The following MRE11 variants were observed in gnomAD, a reference collection of about 807,000 sequenced individuals.
MRE11 encodes double-strand break repair protein MRE11.
A neutral mutation model predicts 91.7 loss-of-function variants in MRE11; 62 were observed. The observed-to-expected ratio is 0.68, with a 90% CI of 0.55 to 0.84. The LOEUF is 0.84. MRE11 is among the 40% of genes least tolerant of loss of function. The probability of loss-of-function intolerance (pLI) is 0.00; values close to 1 mark genes in which losing one functional copy is unlikely to be tolerated. For synonymous variants in MRE11, 273 were observed against 271.4 expected (o/e 1.01, Z -0.06); for missense variants, 796 against 852.9 (o/e 0.93, Z 0.83).
chr11:94,492,908 T>TA lies in MRE11; in HGVS notation c.-105-3dup. On this transcript the variant is annotated splice_polypyrimidine_tract_variant and splice_region_variant and intron_variant, in intron 1 of 19. Transcript: ENST00000323929. Reference sequence around the variant, plus strand: ...ACTCGATTCCAAATTCTAGAAATTCTAAAAACAAAATTACATCATAAAACA... The same window carrying TA: ...ACTCGATTCCAAATTCTAGAAATTCTAAAAAACAAAATTACATCATAAAACA... The TA allele has an allele frequency of 9.4e-7, 1 of 1,058,614 alleles. No homozygotes were observed. The highest frequency in any genetic ancestry group is 1.3e-5 in the South Asian group (1 of 74,834). 65.6% of individuals were successfully genotyped at this position (1,058,614 alleles called of 1,614,324 possible). A position where few individuals can be genotyped will look rare whatever the true frequency, so the allele number is the denominator to read the frequency against.
intron 13 of MRE11, among the ~76,000 whole-genome samples, chr11:94,456,883 G>A (rs13447681): frequency 6.6e-6 from 1 of 152,076 alleles, no homozygotes; most frequent in Non-Finnish European, 1.5e-5. Context: ...TGCTCACAAG[G>A]CTCTTATTAT....
Position 94,470,502 on chromosome 11 carries a change from G to C in MRE11, c.986C>G (p.Thr329Ser), listed in dbSNP as rs370645480. 1.2e-5 allele frequency: 19 copies of C among 1,613,030 alleles called. No homozygotes were observed. The highest frequency in any genetic ancestry group is 1.7e-4 in the Middle Eastern group (1 of 6,046). Reference protein sequence around the residue: ...DIFNPDNPKVTQAIQSFCLEK... With the variant: ...DIFNPDNPKVSQAIQSFCLEK... Reference sequence around the variant, plus strand: ...CAAACAGAAGCTTTGTATGGCTTGGGTTACTTTAGGATTATCTGGGTTAAA... The same window carrying C: ...CAAACAGAAGCTTTGTATGGCTTGGCTTACTTTAGGATTATCTGGGTTAAA... Residue 329 changes from threonine to serine, a missense_variant, in exon 9 of 20, where the codon ACC (threonine) becomes AGC (serine). Physicochemically the swap from Thr to Ser is moderately conservative, Grantham distance 58 (BLOSUM62 1). Transcript: ENST00000323929.
intron 16 of MRE11, among the ~76,000 whole-genome samples, chr11:94,438,783 G>A (rs1259331608): frequency 6.6e-6 from 1 of 152,148 alleles, no homozygotes; most frequent in African/African-American, 2.4e-5. Flanking sequence ...CAAGCTCCTT[G>A]GCTTCTTTAA....
intron 16 of MRE11, 162 bp downstream of exon 16, chr11:94,445,648 C>CTAT (rs1945905462): frequency 1.6e-6 from 1 of 639,602 alleles, no homozygotes; most frequent in Non-Finnish European, 2.8e-6. Context: ...TTCAGTAACT[C>CTAT]TAATGCATAG....
intron 7 of MRE11, 67 bp from the exon 8 acceptor site, chr11:94,471,826 C>A (rs1946724761): frequency 1.6e-6 from 2 of 1,256,248 alleles, no homozygotes; most frequent in Non-Finnish European, 2.2e-6. Flanking sequence ...GAAGTCTATA[C>A]AGATCTTTCT....
In MRE11 at chr11:94,478,705, G is replaced by A. The variant is rs375486771; in HGVS notation, c.544+30C>T. 12 of 1,609,878 alleles carry A rather than the reference G, an allele frequency of 7.5e-6. No individual in the cohort carries two copies. In the African/African-American group the frequency reaches 1.1e-4, roughly 14 times the overall value. On this transcript the variant is annotated intron_variant, in intron 6 of 19. Transcript: ENST00000323929. ...TCAATTGTTTAAAGAATCACACATG[G>A]ACATAAACAGTAAAATAAAACTGTC...
chr11:94,482,856 T>C (rs1483749147), intron 4 of MRE11, among the ~76,000 whole-genome samples: 1 of 152,154 alleles, frequency 6.6e-6, no homozygotes, highest in Non-Finnish European at 1.5e-5. Context: ...AAGAACTGCT[T>C]GAACCTGGGA....
At chr11:94,437,106 C>A in intron 17 of MRE11, 71 bp downstream of exon 17, 2 of 1,314,366 alleles carry the variant, frequency 1.5e-6, no homozygotes, top group Non-Finnish European at 2.1e-6. Flanking sequence ...CTTTGTAAAT[C>A]AGAGAGTTGA....
In MRE11 at chr11:94,456,275, C is replaced by T. The variant is rs1381679718; in HGVS notation, c.1563+1G>A. On this transcript the variant is annotated splice_donor_variant, in intron 14 of 19. Transcript: ENST00000323929. LOFTEE classifies it high-confidence loss of function. ...ACAAGAATTTGCAGCAGAATAATTA[C>T]CTCACGGACTTCATCATCTTCTTCA... is the stretch of plus-strand genomic sequence containing the variant. 1 of 1,613,048 alleles carries T rather than the reference C, an allele frequency of 6.2e-7. No homozygotes were observed. The highest frequency in any genetic ancestry group is 8.5e-7 in the Non-Finnish European group (1 of 1,179,572).
At chr11:94,462,807 C>G (rs1300997388) in intron 11 of MRE11, among the ~76,000 whole-genome samples, 2 of 152,084 alleles carry the variant, frequency 1.3e-5, no homozygotes, top group African/African-American at 4.8e-5. Flanking sequence ...TTAAATGTTA[C>G]ACCTAAAACC....
intron 18 of MRE11, among the ~76,000 whole-genome samples, chr11:94,430,569 C>T (rs1945437983): frequency 6.6e-6 from 1 of 151,814 alleles, no homozygotes; most frequent in East Asian, 1.9e-4. Context: ...CAACCTCCAC[C>T]TCCCAGTTCA....
At chr11:94,456,088 G>GA (rs13447686) in intron 14 of MRE11, among the ~76,000 whole-genome samples, 188 bp downstream of exon 14, 8 of 151,870 alleles carry the variant, frequency 5.3e-5, no homozygotes, top group African/African-American at 1.9e-4. Context: ...GAACAAAATG[G>GA]AAAAAAAGAG....
Position 94,484,887 on chromosome 11 carries a change from C to T in MRE11, c.314+1037G>A, listed in dbSNP as rs184561515. 9.9e-5 allele frequency among the ~76,000 whole-genome samples: 15 copies of T among 152,256 alleles called. No homozygotes were observed. The East Asian group carries it at 2.7e-3, about 27-fold the overall frequency. On this transcript the variant is annotated intron_variant, in intron 4 of 19. Transcript: ENST00000323929. ...TGAAGAAATTAAGGAAACGTTTCTA[C>T]TAAATGCAATGTGAGATCCTGTACA...
chr11:94,482,043 T>C (rs1947025767), intron 4 of MRE11, among the ~76,000 whole-genome samples: 1 of 152,150 alleles, frequency 6.6e-6, no homozygotes, highest in Admixed American at 6.6e-5. Flanking sequence ...CCCAAGTTGC[T>C]GAAAAACAAT....
At chr11:94,458,449 A>C (rs975729992) in intron 13 of MRE11, among the ~76,000 whole-genome samples, 3 of 152,092 alleles carry the variant, frequency 2.0e-5, no homozygotes, top group African/African-American at 7.2e-5. Flanking sequence ...CCAAAATGTC[A>C]TTTTTAAGCT....
chr11:94,447,499 T>C, intron 14 of MRE11, 61 bp from the exon 15 acceptor site: 2 of 1,489,488 alleles, frequency 1.3e-6, no homozygotes, highest in Non-Finnish European at 1.9e-6. Context: ...CTAAAAATCA[T>C]TAATTTAGGC....
chr11:94,463,522 G>A (rs1384707464), intron 11 of MRE11, among the ~76,000 whole-genome samples: 4 of 152,268 alleles, frequency 2.6e-5, no homozygotes, highest in Non-Finnish European at 5.9e-5. Context: ...CAAAGACTTG[G>A]AACCAACCCA....
Position 94,459,547 on chromosome 11 carries a change from A to G in MRE11, c.1361T>C (p.Met454Thr). 6.2e-7 allele frequency: 1 copy of G among 1,614,030 alleles called. No homozygotes were observed. The highest frequency in any genetic ancestry group is 8.5e-7 in the Non-Finnish European group (1 of 1,179,924). The change falls in exon 13 of 20, where the codon ATG becomes ACG. Residue 454 changes from methionine (M) to threonine (T), a missense_variant. Transcript: ENST00000323929. ...VQLSLLTERG[M>T]GEAVQEFVDK... ...CACAAATTCTTGTACTGCTTCACCC[A>G]TCCCTCTTTCTGTTAGCAGTGAGAG...
chr11:94,496,505 T>C (rs921819538), upstream of MRE11: 11 of 536,542 alleles, frequency 2.1e-5, no homozygotes, highest in Non-Finnish European at 3.2e-5. Context: ...AACAAGAGTT[T>C]AGACAGGGTT....
Sources: gnomAD v4.1 joint callset for allele counts (sites outside exome capture counted in the v4.1 genomes callset) on GRCh38, gnomAD v4.1.1 for gene constraint, MANE v1.5 for transcripts, NCBI Gene and HGNC (gene_info 2026-07-23, HGNC 2026-07-21) for gene names.